MAP4: variants seen among roughly 807,000 people sequenced by gnomAD.
The protein encoded by MAP4 is microtubule associated protein 4, also known as microtubule-associated protein 4.
MAP4 carries 76 observed loss-of-function variants against 170.2 expected under a neutral mutation model. The observed-to-expected ratio is 0.45, with a 90% CI of 0.37 to 0.54. The LOEUF is 0.54. Ranked by LOEUF, MAP4 falls within the 20% of genes least tolerant of loss-of-function variation. MAP4 has a pLI of 0.00. For synonymous variants in MAP4, 909 were observed against 994.5 expected (o/e 0.91, Z 1.62); for missense variants, 2,506 against 2,748.0 (o/e 0.91, Z 1.97).
At chr3:47,976,711 G>A (rs554442408) in intron 3 of MAP4, among the ~76,000 whole-genome samples, 12 of 152,094 alleles carry the variant, frequency 7.9e-5, no homozygotes, top group African/African-American at 1.2e-4. Context: ...AAGATAAAGT[G>A]GCATTTCTGG....
intron 10 of MAP4, chr3:47,890,928 G>A (rs1259718432): frequency 9.5e-7 from 1 of 1,054,532 alleles, no homozygotes; most frequent in Non-Finnish European, 1.3e-6. Context: ...GAACCCAGCT[G>A]TAAAAAGCTG....
rs775141949 is a variant in MAP4, at chr3:47,871,897, GA to G, written c.5941+19del. 6.3e-7 allele frequency: 1 copy of G among 1,594,022 alleles called. No homozygotes were observed. Among genetic ancestry groups the G allele is most frequent in the Non-Finnish European group, 8.6e-7 (1 of 1,166,018 alleles). ...ATTTTCCCCTCCCTAGTTCCCATGG[GA>G]GAGAAAGGCAATACTCACCAGTGGG... On this transcript the variant is annotated intron_variant, in intron 13 of 20. Coordinates refer to ENST00000683076, the MANE Select transcript of MAP4 (RefSeq NM_001385682.1).
intron 1 of MAP4, chr3:48,013,533 G>GC (rs1372175697): frequency 6.6e-6 from 1 of 151,990 alleles, no homozygotes. Context: ...AAATGAGAGT[G>GC]TTATGTTAAA....
At chr3:48,075,711 C>T (rs1365856270) in intron 1 of MAP4, among the ~76,000 whole-genome samples, 1 of 151,938 alleles carries the variant, frequency 6.6e-6, no homozygotes, top group Non-Finnish European at 1.5e-5. Flanking sequence ...CAGTGGTTCA[C>T]GCCTGTAATC....
intron 17 of MAP4, among the ~76,000 whole-genome samples, chr3:47,865,316 T>A (rs1246070175): frequency 6.6e-6 from 1 of 152,226 alleles, no homozygotes; most frequent in East Asian, 1.9e-4. Flanking sequence ...ACCTTCTGTT[T>A]TCATCCAGGA....
At chr3:48,019,714 C>T (rs1438635916), upstream of MAP4, among the ~76,000 whole-genome samples, 6 of 152,070 alleles carry the variant, frequency 3.9e-5, no homozygotes, top group East Asian at 1.9e-4. Context: ...GTTGAGACTG[C>T]GTCTCCACAG....
chr3:47,911,951 C>T lies in MAP4; in HGVS notation c.2470G>A (p.Gly824Arg). 6.5e-7 allele frequency: 1 copy of T among 1,536,082 alleles called. No individual in the cohort carries two copies. Among genetic ancestry groups the T allele is most frequent in the Non-Finnish European group, 8.7e-7 (1 of 1,146,912 alleles). ...SQPTTMGTEY[G>R]LVSGENLKRE... Reference sequence around the variant, plus strand: ...TTCAAGTTTTCTCCAGATACAAGTCCATATTCTGTACCCATAGTGGTAGGC... The same window carrying T: ...TTCAAGTTTTCTCCAGATACAAGTCTATATTCTGTACCCATAGTGGTAGGC... The change falls in exon 9 of 21, where the codon GGA (glycine) becomes AGA (arginine). Residue 824 changes from glycine (G) to arginine (R), a missense_variant. Gly to Arg is a moderately radical substitution (Grantham distance 125, BLOSUM62 -2). Coordinates refer to ENST00000683076, the MANE Select transcript of MAP4 (RefSeq NM_001385682.1). This position sits in a 1 kb window ranked among gnomAD's most constrained non-coding sequence, Gnocchi z 4.0.
intron 3 of MAP4, among the ~76,000 whole-genome samples, chr3:47,957,721 G>C (rs1020227205): frequency 2.0e-5 from 3 of 152,134 alleles, no homozygotes; most frequent in Non-Finnish European, 2.9e-5. Context: ...CACACAGAAT[G>C]GTTGGCCTAA....
At chr3:47,864,782 G>A (rs1019893358) in intron 17 of MAP4, among the ~76,000 whole-genome samples, 1 of 152,200 alleles carries the variant, frequency 6.6e-6, no homozygotes, top group East Asian at 1.9e-4. Flanking sequence ...AAGGAGAATC[G>A]CTTGAACCTG....
chr3:48,020,809 G>A (rs2100110172), upstream of MAP4, among the ~76,000 whole-genome samples: 1 of 152,026 alleles, frequency 6.6e-6, no homozygotes, highest in African/African-American at 2.4e-5. Flanking sequence ...TTTTTTTAGA[G>A]ACAAGTCACA....
At chr3:47,923,277 C>G (rs1364369247) in intron 4 of MAP4, among the ~76,000 whole-genome samples, 1 of 151,692 alleles carries the variant, frequency 6.6e-6, no homozygotes, top group African/African-American at 2.4e-5. Context: ...AAGCCCAGGC[C>G]TTGAGAGAAT....
intron 6 of MAP4, among the ~76,000 whole-genome samples, chr3:47,918,330 G>A (rs1287124861): frequency 2.0e-5 from 3 of 151,508 alleles, no homozygotes; most frequent in Non-Finnish European, 4.4e-5. Context: ...ATGTTGGCTG[G>A]GCTGGTCTGG....
chr3:48,086,108 ATGTGTATGTATATATGTATG>A (rs1385448938), intron 1 of MAP4, among the ~76,000 whole-genome samples: 6,637 of 151,860 alleles, frequency 0.044, 490 homozygotes, highest in African/African-American at 0.15. Context: ...ATATATGTAT[ATGTGTATGTATATATGTATG>A]TGTGTGCACG....
At chr3:47,878,121 G>C (rs1377042296) in intron 10 of MAP4, among the ~76,000 whole-genome samples, 4 of 152,168 alleles carry the variant, frequency 2.6e-5, no homozygotes, top group African/African-American at 9.7e-5. Context: ...TCTGTGGAGA[G>C]GTTACTCTGG....
At chr3:47,995,702 T>C (rs1340099861) in intron 2 of MAP4, among the ~76,000 whole-genome samples, 1 of 151,940 alleles carries the variant, frequency 6.6e-6, no homozygotes, top group Non-Finnish European at 1.5e-5. Flanking sequence ...AAAAGCAACG[T>C]CACTCCCACC....
At chr3:47,922,716 A>G (rs1358601296) in intron 4 of MAP4, among the ~76,000 whole-genome samples, 1 of 152,164 alleles carries the variant, frequency 6.6e-6, no homozygotes, top group Non-Finnish European at 1.5e-5. Context: ...GAATAAAAGC[A>G]CTCAAAACAT....
chr3:47,875,185 T>C (rs759283372), intron 12 of MAP4, among the ~76,000 whole-genome samples: 12 of 152,206 alleles, frequency 7.9e-5, no homozygotes, highest in Non-Finnish European at 1.5e-4. Context: ...TATATCACAA[T>C]AGTAATGGAT....
At chr3:47,890,809 C>G (rs1033203311) in intron 10 of MAP4, among the ~76,000 whole-genome samples, 4 of 152,204 alleles carry the variant, frequency 2.6e-5, no homozygotes, top group African/African-American at 9.6e-5. Context: ...ATCTGTCATG[C>G]TAGCAAGACA....
intron 1 of MAP4, among the ~76,000 whole-genome samples, chr3:48,010,745 T>C (rs536916581): frequency 3.9e-5 from 6 of 152,178 alleles, no homozygotes; most frequent in African/African-American, 1.2e-4. Flanking sequence ...GACCCACCCT[T>C]AACTGGGTGG....
Sources: gnomAD v4.1 joint callset for allele counts (sites outside exome capture counted in the v4.1 genomes callset) on GRCh38, gnomAD v4.1.1 for gene constraint, Gnocchi (gnomAD v3.1) non-coding constraint, MANE v1.5 for transcripts, NCBI Gene and HGNC (gene_info 2026-07-23, HGNC 2026-07-21) for gene names.